Variants in TLL2 observed in about 807,000 individuals in gnomAD.
TLL2 encodes the protein tolloid like 2, also known as tolloid-like protein 2.
TLL2 carries 106 observed loss-of-function variants against 123.0 expected under a neutral mutation model. The ratio of observed to expected loss-of-function variants is 0.86; its 90% CI spans 0.74 to 1.01. The LOEUF (loss-of-function observed/expected upper bound fraction) is 1.01. Ranked by LOEUF, TLL2 falls within the 50% of genes least tolerant of loss-of-function variation. The pLI is 0.00. For synonymous variants in TLL2, 494 were observed against 516.8 expected (o/e 0.96, Z 0.60); for missense variants, 1,332 against 1,336.7 (o/e 1.00, Z 0.06).
chr10:96,510,312 G>A (rs1847616449), intron 1 of TLL2, among the ~76,000 whole-genome samples: 2 of 152,152 alleles, frequency 1.3e-5, no homozygotes, highest in Non-Finnish European at 2.9e-5. Context: ...CAGAGCTATG[G>A]ATGACCAGAC....
rs753570041 is a variant in TLL2 at position 96,376,692 on chromosome 10, G to A, written c.2448C>T (p.Leu816=). 40 of 1,609,302 alleles carry A rather than the reference G, an allele frequency of 2.5e-5. No homozygotes were observed. The highest frequency in any genetic ancestry group is 3.3e-4 in the Middle Eastern group (2 of 6,046). The change falls in exon 18 of 21, where the codon CTC becomes CTT. Residue 816 remains leucine, a splice_region_variant and synonymous_variant. Transcript: ENST00000357947. ...TCAATAAACTACAAAAATGACTCAC[G>A]AGTTTCACTCTGTGGCCTGCAGTCG... ...ISSTAGHRVK[L]TFNEFEIEQH... is the part of the protein sequence containing the mutation.
At chr10:96,428,070 C>T (rs1018435165) in intron 5 of TLL2, among the ~76,000 whole-genome samples, 16 of 152,208 alleles carry the variant, frequency 1.1e-4, no homozygotes, top group Non-Finnish European at 2.9e-5. Context: ...GCTGGGATTA[C>T]AGGCGTGACT....
At chr10:96,513,164 G>C (rs1051672360) in intron 1 of TLL2, among the ~76,000 whole-genome samples, 6 of 152,144 alleles carry the variant, frequency 3.9e-5, no homozygotes, top group African/African-American at 1.4e-4. Context: ...TTCTGCTCCG[G>C]CCCGGAGCGT....
At chr10:96,513,302 G>C (rs1032623566) in intron 1 of TLL2, among the ~76,000 whole-genome samples, 1 of 152,146 alleles carries the variant, frequency 6.6e-6, no homozygotes, top group Non-Finnish European at 1.5e-5. Flanking sequence ...GTCGCCCCCC[G>C]GTGCGCACCG....
At chr10:96,397,324 A>G in intron 10 of TLL2, 22 bp from the exon 11 acceptor site, 1 of 1,597,690 alleles carries the variant, frequency 6.3e-7, no homozygotes, top group Non-Finnish European at 8.6e-7. Flanking sequence ...AAAAAGAAGC[A>G]GTTAGGAGCC....
intron 13 of TLL2, among the ~76,000 whole-genome samples, chr10:96,392,686 T>A (rs1846300354): frequency 6.6e-6 from 1 of 152,182 alleles, no homozygotes; most frequent in Non-Finnish European, 1.5e-5. Flanking sequence ...GACAACCTCA[T>A]AATCATTCAT....
At chr10:96,466,673 C>T (rs183011502) in intron 2 of TLL2, among the ~76,000 whole-genome samples, 1 of 152,338 alleles carries the variant, frequency 6.6e-6, no homozygotes, top group Admixed American at 6.5e-5. Context: ...ACTGTCAACA[C>T]CTCTGGGAGC....
chr10:96,416,602 GT>G (rs374245571), intron 7 of TLL2, among the ~76,000 whole-genome samples: 4 of 152,242 alleles, frequency 2.6e-5, no homozygotes, highest in African/African-American at 7.2e-5. Flanking sequence ...CCAAGGAACA[GT>G]AGGCCTTATG....
At chr10:96,399,026 C>A (rs1433151390) in intron 10 of TLL2, among the ~76,000 whole-genome samples, 1 of 151,962 alleles carries the variant, frequency 6.6e-6, no homozygotes, top group East Asian at 1.9e-4. Flanking sequence ...CACGTGCCAC[C>A]ATGCCCAGCT....
chr10:96,410,628 T>G, intron 8 of TLL2, 154 bp from the exon 9 acceptor site: 1 of 711,052 alleles, frequency 1.4e-6, no homozygotes, highest in South Asian at 1.5e-5. Context: ...TGATGTTTTC[T>G]GGCTAACAAA....
intron 1 of TLL2, among the ~76,000 whole-genome samples, chr10:96,483,612 T>G (rs1427018548): frequency 1.3e-5 from 2 of 152,160 alleles, no homozygotes; most frequent in African/African-American, 4.8e-5. Context: ...TGACTTAGTA[T>G]AGAGATGATC....
At chr10:96,400,234 C>T (rs570470770) in intron 10 of TLL2, among the ~76,000 whole-genome samples, 55 of 151,648 alleles carry the variant, frequency 3.6e-4, no homozygotes, top group African/African-American at 1.1e-3. Flanking sequence ...ACTTCACAGA[C>T]GAGAAAACTG....
intron 2 of TLL2, among the ~76,000 whole-genome samples, chr10:96,473,642 A>G (rs1190073441): frequency 6.6e-6 from 1 of 152,208 alleles, no homozygotes; most frequent in East Asian, 1.9e-4. Context: ...ATAGAGATGG[A>G]CATGGCCCCG....
intron 1 of TLL2, among the ~76,000 whole-genome samples, chr10:96,480,681 C>T (rs1431814387): frequency 6.6e-6 from 1 of 152,156 alleles, no homozygotes; most frequent in Admixed American, 6.5e-5. Context: ...CCATGAAAAT[C>T]CAAATCCTAA....
At chr10:96,463,999 C>T (rs10786292) in intron 2 of TLL2, among the ~76,000 whole-genome samples, 2 of 152,002 alleles carry the variant, frequency 1.3e-5, no homozygotes, top group South Asian at 4.1e-4. Context: ...CCCTCTCTCA[C>T]GGCACTGGAG....
Position 96,513,586 on chromosome 10 carries a change from C to A in TLL2, c.100G>T (p.Ala34Ser), listed in dbSNP as rs1257675460. ...TCGCCGTCCAGCTCTGAGTAGTCTG[C>A]GGTGGCGTCCGGGCGCTCCCCGAGT... ...GGLGERPDAT[A>S]DYSELDGEEG... Residue 34 changes from alanine (A) to serine (S), a missense_variant, in exon 1 of 21, where the codon GCA (alanine) becomes TCA (serine). Ala to Ser is a moderately conservative substitution (Grantham distance 99). Coordinates refer to ENST00000357947, the MANE Select transcript of TLL2 (RefSeq NM_012465.4). The A allele has an allele frequency of 2.5e-6, 4 of 1,607,602 alleles. No individual in the cohort carries two copies. The highest frequency in any genetic ancestry group is 2.2e-5 in the East Asian group (1 of 44,660).
chr10:96,448,120 A>C (rs958405617), intron 2 of TLL2, among the ~76,000 whole-genome samples: 1 of 152,108 alleles, frequency 6.6e-6, no homozygotes, highest in African/African-American at 2.4e-5. Context: ...TCTCCTGTAG[A>C]GAAGGTCCCA....
At chr10:96,446,306 A>C in intron 2 of TLL2, 138 bp from the exon 3 acceptor site, 1 of 777,836 alleles carries the variant, frequency 1.3e-6, no homozygotes, top group Non-Finnish European at 2.1e-6. Context: ...CCACAAATCA[A>C]CTGAGCCCTT....
intron 7 of TLL2, among the ~76,000 whole-genome samples, chr10:96,417,594 G>A (rs1846575716): frequency 6.6e-6 from 1 of 152,220 alleles, no homozygotes; most frequent in Non-Finnish European, 1.5e-5. Context: ...GTGATGTCAT[G>A]CAAGTTCCAG....
Sources: allele counts gnomAD v4.1 joint callset (sites outside exome capture counted in the v4.1 genomes callset), GRCh38; gene constraint gnomAD v4.1.1; transcripts MANE v1.5; gene names NCBI Gene and HGNC (gene_info 2026-07-23, HGNC 2026-07-21).